The following CTNNA2 variants were observed in gnomAD, a reference collection of about 807,000 sequenced individuals.
The protein encoded by CTNNA2 is catenin alpha 2.
In CTNNA2, 42 loss-of-function variants were observed where a neutral mutation model predicts 101.0. The observed-to-expected ratio is 0.42, with a 90% confidence interval of 0.32 to 0.54. The LOEUF is 0.54. Ranked by LOEUF, CTNNA2 falls within the 20% of genes least tolerant of loss-of-function variation. CTNNA2 has a pLI of 0.14. For synonymous variants in CTNNA2, 450 were observed against 456.4 expected, an observed-to-expected ratio of 0.99 and a Z score of 0.18; for missense variants, 871 against 1,223.1, an observed-to-expected ratio of 0.71 and a Z score of 4.29.
intron 4 of CTNNA2, among the ~76,000 whole-genome samples, chr2:79,414,260 A>G (rs919915537): frequency 1.3e-5 from 2 of 151,980 alleles, no homozygotes; most frequent in African/African-American, 4.8e-5. Flanking sequence ...GGCTAGTTTT[A>G]CGACTAATAA....
intron 3 of CTNNA2, among the ~76,000 whole-genome samples, chr2:79,363,243 GTCC>G (rs1677669794): frequency 2.6e-5 from 4 of 152,184 alleles, no homozygotes; most frequent in Non-Finnish European, 4.4e-5. Flanking sequence ...TTCTCACTGT[GTCC>G]TCACAAGGTA....
intron 2 of CTNNA2, among the ~76,000 whole-genome samples, chr2:79,272,137 T>C (rs116638826): frequency 6.6e-6 from 1 of 152,054 alleles, no homozygotes; most frequent in Non-Finnish European, 1.5e-5. Context: ...ATACCCCTTT[T>C]ATAAAGTTGG....
chr2:80,559,867 C>T (rs142618603), intron 12 of CTNNA2, among the ~76,000 whole-genome samples: 19 of 113,058 alleles, frequency 1.7e-4, no homozygotes, highest in Non-Finnish European at 2.4e-4. Flanking sequence ...GCACATTCAG[C>T]GATATCATAT....
chr2:80,172,843 G>A (rs1469456698), intron 7 of CTNNA2, among the ~76,000 whole-genome samples: 1 of 152,094 alleles, frequency 6.6e-6, no homozygotes, highest in Non-Finnish European at 1.5e-5. Context: ...CTGTGTGCAG[G>A]TGCCTTCTCA....
intron 3 of CTNNA2, among the ~76,000 whole-genome samples, chr2:79,776,150 T>C (rs1673946397): frequency 6.6e-6 from 1 of 152,220 alleles, no homozygotes; most frequent in African/African-American, 2.4e-5. Context: ...TTCATCTGCC[T>C]GAAATTTTAA....
At chr2:80,137,464 C>G (rs1173675992) in intron 7 of CTNNA2, among the ~76,000 whole-genome samples, 1 of 152,062 alleles carries the variant, frequency 6.6e-6, no homozygotes, top group Non-Finnish European at 1.5e-5. Flanking sequence ...AGTGAATTAG[C>G]AAGGCAATTT....
intron 7 of CTNNA2, among the ~76,000 whole-genome samples, chr2:80,249,642 G>T (rs1045721361): frequency 6.6e-6 from 1 of 152,180 alleles, no homozygotes; most frequent in Non-Finnish European, 1.5e-5. Flanking sequence ...CACAGTTGGT[G>T]CTTCGTGGAT....
At chr2:80,043,030 T>C (rs1314143226) in intron 7 of CTNNA2, among the ~76,000 whole-genome samples, 11 of 60,298 alleles carry the variant, frequency 1.8e-4, no homozygotes, top group South Asian at 1.4e-3. Flanking sequence ...TTTCTTTCTT[T>C]CTTTCTTTCC....
intron 3 of CTNNA2, among the ~76,000 whole-genome samples, chr2:79,756,902 C>G (rs1414860034): frequency 1.3e-5 from 2 of 152,138 alleles, no homozygotes; most frequent in African/African-American, 2.4e-5. Context: ...ACTAAAATCT[C>G]CAAAACTGAC....
chr2:80,044,221 T>C (rs1197984102), intron 7 of CTNNA2, among the ~76,000 whole-genome samples: 1 of 152,232 alleles, frequency 6.6e-6, no homozygotes, highest in Non-Finnish European at 1.5e-5. Flanking sequence ...TGGTATTTTC[T>C]ATAGTATAGA....
chr2:79,427,682 T>C (rs1384078250), intron 4 of CTNNA2, among the ~76,000 whole-genome samples: 1 of 151,946 alleles, frequency 6.6e-6, no homozygotes, highest in Non-Finnish European at 1.5e-5. Flanking sequence ...TGAGTCTCTT[T>C]TTCAAATTTT....
intron 7 of CTNNA2, among the ~76,000 whole-genome samples, chr2:80,108,804 T>C (rs1428561580): frequency 6.6e-6 from 1 of 152,218 alleles, no homozygotes; most frequent in Non-Finnish European, 1.5e-5. Context: ...CTACTCCGTG[T>C]AGCTGTTTCC....
intron 7 of CTNNA2, among the ~76,000 whole-genome samples, chr2:79,937,156 T>A (rs1438586617): frequency 3.3e-5 from 5 of 152,230 alleles, no homozygotes; most frequent in African/African-American, 9.6e-5. Flanking sequence ...TCTACTTAAT[T>A]GTCAACATCA....
intron 7 of CTNNA2, among the ~76,000 whole-genome samples, chr2:80,079,842 T>TAAAATAAAATAAAATAAA (rs1357365874): frequency 1.6e-4 from 13 of 82,064 alleles, no homozygotes; most frequent in Middle Eastern, 5.4e-3. Flanking sequence ...TAAAATAAAA[T>TAAAATAAAATAAAATAAA]AAAATAAAAT....
At chr2:79,848,129 T>C (rs769303986) in intron 3 of CTNNA2, among the ~76,000 whole-genome samples, 1 of 152,212 alleles carries the variant, frequency 6.6e-6, no homozygotes, top group Non-Finnish European at 1.5e-5. Flanking sequence ...TTGGGGTTTA[T>C]AGAAAAATTA....
intron 3 of CTNNA2, among the ~76,000 whole-genome samples, chr2:79,835,547 G>A (rs1404009383): frequency 1.3e-5 from 2 of 151,864 alleles, no homozygotes; most frequent in African/African-American, 2.4e-5. Flanking sequence ...CTGAATATCT[G>A]CCTACTTATG....
intron 2 of CTNNA2, among the ~76,000 whole-genome samples, chr2:79,684,205 A>T (rs1227916990): frequency 1.3e-5 from 2 of 152,204 alleles, no homozygotes; most frequent in Non-Finnish European, 2.9e-5. Flanking sequence ...ACCAGTCTAC[A>T]CTTCAATATA....
At chr2:79,557,323 C>T (rs1383404268) in intron 1 of CTNNA2, among the ~76,000 whole-genome samples, 1 of 151,862 alleles carries the variant, frequency 6.6e-6, no homozygotes, top group Non-Finnish European at 1.5e-5. Flanking sequence ...GTTAGTTGTA[C>T]TTCATTTCAG....
intron 7 of CTNNA2, among the ~76,000 whole-genome samples, chr2:80,331,684 G>A (rs551644801): frequency 3.3e-5 from 5 of 152,012 alleles, no homozygotes; most frequent in African/African-American, 1.2e-4. Flanking sequence ...ACTACTTTTC[G>A]CTAGCAAAAA....
Sources: allele counts gnomAD v4.1 joint callset (sites outside exome capture counted in the v4.1 genomes callset), GRCh38; gene constraint gnomAD v4.1.1; transcripts MANE v1.5; gene names NCBI Gene and HGNC (gene_info 2026-07-23, HGNC 2026-07-21).